IL1RN: variants seen among roughly 807,000 people sequenced by gnomAD.
IL1RN encodes the protein interleukin 1 receptor antagonist.
IL1RN carries 10 observed loss-of-function variants against 13.7 expected under a neutral mutation model. The observed-to-expected ratio is 0.73, with a 90% CI of 0.45 to 1.24. The LOEUF is 1.24. IL1RN is among the 50% of genes most tolerant of loss of function. The pLI is 0.00. For missense variants in IL1RN, 213 were observed against 222.1 expected (o/e 0.96, Z 0.26); for synonymous variants, 102 against 82.7 (o/e 1.23, Z -1.27).
chr2:113,119,808 G>A (rs917749629), intron 1 of IL1RN, among the ~76,000 whole-genome samples: 1 of 152,168 alleles, frequency 6.6e-6, no homozygotes, highest in Non-Finnish European at 1.5e-5. Context: ...CATGTTCCCT[G>A]GGTAGAGGAA....
intron 3 of IL1RN, among the ~76,000 whole-genome samples, chr2:113,131,476 CTTA>C (rs1327019078): frequency 6.6e-6 from 1 of 152,112 alleles, no homozygotes. Flanking sequence ...CATGCAGGCG[CTTA>C]TTATGACTTC....
chr2:113,127,803 A>AGCTGCCAGGG, intron 1 of IL1RN, 63 bp downstream of exon 1: 6 of 1,549,466 alleles, frequency 3.9e-6, no homozygotes, highest in Non-Finnish European at 5.3e-6. Context: ...AACATATCAC[A>AGCTGCCAGGG]GCTGCCAGGG....
At chr2:113,112,606 C>T (rs1043226979) in intron 1 of IL1RN, among the ~76,000 whole-genome samples, 1 of 152,186 alleles carries the variant, frequency 6.6e-6, no homozygotes, top group Admixed American at 6.5e-5. Flanking sequence ...CCTGAATTCC[C>T]CGCCCACGCT....
chr2:113,107,579 A>AAG (rs1301055632), upstream of IL1RN, among the ~76,000 whole-genome samples: 1 of 151,576 alleles, frequency 6.6e-6, no homozygotes, highest in African/African-American at 2.4e-5. Flanking sequence ...CAAAAAAAAA[A>AAG]AAAAATAGCC....
Position 113,129,628 on chromosome 2 carries a change from G to T in IL1RN, c.169G>T (p.Ala57Ser), listed in dbSNP as rs777996358. The T allele has an allele frequency of 4.3e-6, 7 of 1,613,274 alleles. No homozygotes were observed. The highest frequency in any genetic ancestry group is 4.0e-5 in the African/African-American group (3 of 74,908). Reference sequence around the variant, plus strand: ...CTATCTGAGGAACAACCAACTAGTTGCTGGATACTTGCAAGGACCAAATGT... The same window carrying T: ...CTATCTGAGGAACAACCAACTAGTTTCTGGATACTTGCAAGGACCAAATGT... ...TFYLRNNQLV[A>S]GYLQGPNVNL... The change falls in exon 2 of 4, where the codon GCT becomes TCT. Residue 57 changes from alanine to serine, a missense_variant. Physicochemically the swap from Ala to Ser is moderately conservative, Grantham distance 99 (BLOSUM62 1). Coordinates refer to ENST00000409930, the MANE Select transcript of IL1RN (RefSeq NM_173842.3).
chr2:113,105,645 G>A (rs1314399073), upstream of IL1RN, among the ~76,000 whole-genome samples: 2 of 152,148 alleles, frequency 1.3e-5, no homozygotes, highest in East Asian at 3.9e-4. Context: ...TCCCCCAGTT[G>A]GGTGAGATGA....
intron 2 of IL1RN, among the ~76,000 whole-genome samples, chr2:113,130,344 G>C (rs530573369): frequency 3.3e-4 from 51 of 152,274 alleles, no homozygotes; most frequent in African/African-American, 1.2e-3. Context: ...TCCTGTCCTG[G>C]TAGTTCTCCT....
chr2:113,107,946 G>T (rs1368432137), upstream of IL1RN, among the ~76,000 whole-genome samples: 1 of 152,140 alleles, frequency 6.6e-6, no homozygotes, highest in East Asian at 1.9e-4. Flanking sequence ...GAAGAAAAAT[G>T]ATCCCTAAAG....
intron 2 of IL1RN, chr2:113,121,499 C>T (rs1187022756): frequency 3.0e-6 from 3 of 985,292 alleles, no homozygotes. Context: ...CAAGCATGTA[C>T]CGCTGAAAAC....
At chr2:113,120,076 TGAA>T in exon 2 of IL1RN, 1 of 1,613,242 alleles carries the variant, frequency 6.2e-7, no homozygotes, top group Non-Finnish European at 8.5e-7. Context: ...CTGACTTGTA[TGAA>T]GAAGGAGGTG....
chr2:113,109,136 A>T (rs1573273611), upstream of IL1RN, among the ~76,000 whole-genome samples: 1 of 152,148 alleles, frequency 6.6e-6, no homozygotes, highest in African/African-American at 2.4e-5. Context: ...AAAATAAAAT[A>T]AAAAATTAAG....
At chr2:113,107,397 A>G (rs939205005), upstream of IL1RN, 2 of 152,188 alleles carry the variant, frequency 1.3e-5, no homozygotes, top group African/African-American at 4.8e-5. Flanking sequence ...TGAGAGAAAA[A>G]CTAACTGTTA....
Position 113,133,193 on chromosome 2 carries a change from T to C in IL1RN, c.*322T>C. 2.3e-6 allele frequency: 1 copy of C among 427,200 alleles called. No individual in the cohort carries two copies. Among genetic ancestry groups the C allele is most frequent in the South Asian group, 2.1e-5 (1 of 47,612 alleles). 26.5% of individuals were successfully genotyped at this position (427,200 alleles called of 1,614,324 possible). On this transcript the variant is annotated 3_prime_UTR_variant, in exon 4 of 4. Coordinates refer to ENST00000409930, the MANE Select transcript of IL1RN (RefSeq NM_173842.3). Reference sequence around the variant, plus strand: ...CCTGCTCTCCTCTTGCCACTGCCTCTTCCTCCCTCATTCCACCTTCCCATG... The same window carrying C: ...CCTGCTCTCCTCTTGCCACTGCCTCCTCCTCCCTCATTCCACCTTCCCATG...
At chr2:113,114,919 A>G (rs975899768), upstream of IL1RN, among the ~76,000 whole-genome samples, 2 of 152,068 alleles carry the variant, frequency 1.3e-5, no homozygotes, top group East Asian at 3.9e-4. Context: ...AGGGTGTTCC[A>G]TGCCTGTGTC....
rs758405567 is a variant in IL1RN, at chr2:113,127,779, A to G, written c.116+39A>G. 1.7e-5 allele frequency: 28 copies of G among 1,600,676 alleles called. No homozygotes were observed. In the South Asian group the frequency reaches 3.1e-4, roughly 18 times the overall value. On this transcript the variant is annotated intron_variant, in intron 1 of 3. Coordinates refer to ENST00000409930, the MANE Select transcript of IL1RN (RefSeq NM_173842.3). ...AAGGAGGAGAAGGTGAGGGTGGATCAGCTGGAGACTGGAAACATATCACAG... is the reference window on the plus strand; with the variant it reads ...AAGGAGGAGAAGGTGAGGGTGGATCGGCTGGAGACTGGAAACATATCACAG...
the IL1RN span, among the ~76,000 whole-genome samples, chr2:113,099,555 C>T: frequency 6.6e-6 from 1 of 152,122 alleles, no homozygotes; most frequent in Non-Finnish European, 1.5e-5. Flanking sequence ...AATCCGCCTC[C>T]TTCAAAGGGT....
At chr2:113,103,821 A>G (rs1308305827), upstream of IL1RN, among the ~76,000 whole-genome samples, 4 of 152,160 alleles carry the variant, frequency 2.6e-5, no homozygotes. Flanking sequence ...TGGGTGTCAT[A>G]TGAATATTAT....
At chr2:113,126,171 A>G (rs920150875), upstream of IL1RN, among the ~76,000 whole-genome samples, 3 of 151,908 alleles carry the variant, frequency 2.0e-5, no homozygotes, top group Non-Finnish European at 4.4e-5. Flanking sequence ...TTTTTTGTTT[A>G]TTTGTTTGTT....
chr2:113,130,012 C>G (rs914226421), intron 2 of IL1RN: 3 of 319,412 alleles, frequency 9.4e-6, no homozygotes, highest in African/African-American at 6.4e-5. Flanking sequence ...AACCCTAACT[C>G]AATCCCAAAT....
Sources: allele counts gnomAD v4.1 joint callset (sites outside exome capture counted in the v4.1 genomes callset), GRCh38; gene constraint gnomAD v4.1.1; transcripts MANE v1.5; gene names NCBI Gene and HGNC (gene_info 2026-07-23, HGNC 2026-07-21).